SPACA7: variants seen among roughly 807,000 people sequenced by gnomAD.
SPACA7 encodes the protein sperm acrosome associated 7.
In SPACA7, 19 loss-of-function variants were observed where a neutral mutation model predicts 26.3. The ratio of observed to expected loss-of-function variants is 0.72; its 90% CI spans 0.50 to 1.06. SPACA7 has a LOEUF of 1.06. Ranked by LOEUF, SPACA7 falls within the 50% of genes least tolerant of loss-of-function variation. The pLI is 0.00. For missense variants in SPACA7, 211 were observed against 229.9 expected (o/e 0.92, Z 0.53); for synonymous variants, 84 against 84.5 (o/e 0.99, Z 0.04).
chr13:112,431,997 A>T (rs1055606433), intron 5 of SPACA7, among the ~76,000 whole-genome samples: 1 of 152,172 alleles, frequency 6.6e-6, no homozygotes, highest in African/African-American at 2.4e-5. Flanking sequence ...GCTGGCCACG[A>T]AGAAAGGTGG....
rs111384545 is a variant in SPACA7, at chr13:112,392,907, G to T, written c.95-114G>T. 414 of 752,452 alleles carry T rather than the reference G, an allele frequency of 5.5e-4. 2 individuals carry two copies. Among genetic ancestry groups the T allele is most frequent in the African/African-American group, 4.9e-3 (281 of 57,592 alleles). The allele number at this position is 752,452 out of a possible 1,614,324, so 46.6% of individuals were successfully genotyped here. A position where few individuals can be genotyped will look rare whatever the true frequency, so the allele number is the denominator to read the frequency against. ...CAGGAGAGACTGGAACTTGGGCAGG[G>T]CTCCTTCCTCTAGAGGGGGCTGGTG... On this transcript the variant is annotated intron_variant, in intron 1 of 6. Coordinates refer to ENST00000283550, the MANE Select transcript of SPACA7 (RefSeq NM_145248.5).
chr13:112,427,987 G>A (rs1876710045), intron 5 of SPACA7, among the ~76,000 whole-genome samples: 1 of 151,906 alleles, frequency 6.6e-6, no homozygotes, highest in African/African-American at 2.4e-5. Context: ...CAGGTTTTTT[G>A]TTTCATTTTC....
In SPACA7 at chr13:112,386,535, CCT is replaced by C. The variant is rs1482903911; in HGVS notation, c.95-6483_95-6482del. On this transcript the variant is annotated intron_variant, in intron 1 of 6. Coordinates refer to ENST00000283550, the MANE Select transcript of SPACA7 (RefSeq NM_145248.5). The stretch of plus-strand genomic sequence containing the variant: ...TTGCAAAACAGAGTCTGTGGTGCCT[CCT>C]CTGTTTTTCCCAAGGAGTCCCCGGC... Among the ~76,000 whole-genome samples the C allele has an allele frequency of 2.0e-5, 3 of 152,066 alleles. No individual in the cohort carries two copies. In the East Asian group the frequency reaches 5.8e-4, roughly 29 times the overall value.
intron 5 of SPACA7, among the ~76,000 whole-genome samples, chr13:112,430,322 C>T (rs540699546): frequency 3.9e-5 from 6 of 152,316 alleles, no homozygotes; most frequent in African/African-American, 1.4e-4. Context: ...GGAAACTCTC[C>T]AGGCAGTGCC....
intron 1 of SPACA7, among the ~76,000 whole-genome samples, chr13:112,378,067 G>A (rs554848699): frequency 6.6e-6 from 1 of 152,098 alleles, no homozygotes; most frequent in African/African-American, 2.4e-5. Context: ...GTTATGCTGG[G>A]GGCAGAGCGT....
chr13:112,396,756 G>A (rs9577741), intron 2 of SPACA7, among the ~76,000 whole-genome samples: 47,619 of 152,142 alleles, frequency 0.31, 8,659 homozygotes, highest in Non-Finnish European at 0.4. Context: ...TGGGGCACCC[G>A]CGGCTAAGAG....
intron 5 of SPACA7, among the ~76,000 whole-genome samples, chr13:112,430,174 C>CTG (rs61438595): frequency 0.024 from 3,212 of 134,284 alleles, 53 homozygotes; most frequent in Admixed American, 0.051. Flanking sequence ...ATCTCTCTCT[C>CTG]TGTGTGTGTG....
chr13:112,432,198 A>G (rs981583054), intron 5 of SPACA7, among the ~76,000 whole-genome samples: 10 of 152,184 alleles, frequency 6.6e-5, no homozygotes, highest in African/African-American at 2.4e-4. Flanking sequence ...GAGAAAGCAC[A>G]AAGATGTAGG....
At chr13:112,391,842 C>T (rs1884907996) in intron 1 of SPACA7, among the ~76,000 whole-genome samples, 1 of 152,172 alleles carries the variant, frequency 6.6e-6, no homozygotes, top group African/African-American at 2.4e-5. Context: ...CCAAAGAGAA[C>T]TGTACTTTGT....
intron 1 of SPACA7, among the ~76,000 whole-genome samples, chr13:112,381,494 C>CAAAAA (rs35147413): frequency 2.3e-5 from 1 of 44,012 alleles, no homozygotes; most frequent in South Asian, 1.2e-3. Flanking sequence ...CCCTGTCCCC[C>CAAAAA]AAAAAAAAAA....
At chr13:112,388,305 G>A (rs569125482) in intron 1 of SPACA7, among the ~76,000 whole-genome samples, 10 of 152,296 alleles carry the variant, frequency 6.6e-5, no homozygotes, top group Admixed American at 1.3e-4. Context: ...TAGTTAGAAA[G>A]AGCCAGCCGA....
chr13:112,399,515 C>T (rs563868414), intron 4 of SPACA7, among the ~76,000 whole-genome samples: 5 of 152,382 alleles, frequency 3.3e-5, no homozygotes, highest in East Asian at 1.9e-4. Flanking sequence ...TTCTCCTTCA[C>T]AGGGCAGGTG....
At chr13:112,434,430 T>C (rs2139101798) in intron 6 of SPACA7, 55 bp from the exon 7 acceptor site, 1 of 1,469,352 alleles carries the variant, frequency 6.8e-7, no homozygotes, top group East Asian at 2.4e-5. Context: ...TGCCAGTGCC[T>C]CCATCTCCCT....
intron 5 of SPACA7, among the ~76,000 whole-genome samples, chr13:112,419,037 A>T (rs936129470): frequency 6.6e-6 from 1 of 152,008 alleles, no homozygotes; most frequent in Non-Finnish European, 1.5e-5. Context: ...AAAAAACAAA[A>T]AACAATGCTA....
At position 112,434,632 on chromosome 13, in the gene SPACA7, G is replaced by GC; in HGVS notation, c.*84dup. ...AGCCTCCGGAACAGGGCACTTGTGT[G>GC]CACACGCCCACGTTCTCTGAACCAT... On this transcript the variant is annotated 3_prime_UTR_variant, in exon 7 of 7. Transcript: ENST00000283550. 7.2e-6 allele frequency: 8 copies of GC among 1,104,486 alleles called. No homozygotes were observed. Among genetic ancestry groups the GC allele is most frequent in the Admixed American group, 2.0e-5 (1 of 49,368 alleles). 68.4% of individuals were successfully genotyped at this position (1,104,486 alleles called of 1,614,324 possible). A position where few individuals can be genotyped will look rare whatever the true frequency, so the allele number is the denominator to read the frequency against.
intron 5 of SPACA7, among the ~76,000 whole-genome samples, chr13:112,404,983 T>C (rs924471158): frequency 7.0e-6 from 1 of 143,036 alleles, no homozygotes; most frequent in Non-Finnish European, 1.5e-5. Context: ...CTCTTCTTTT[T>C]TTTTTTTTTT....
At chr13:112,409,621 ATCATCACTGG>A (rs1320704271) in intron 5 of SPACA7, among the ~76,000 whole-genome samples, 5 of 152,258 alleles carry the variant, frequency 3.3e-5, no homozygotes, top group African/African-American at 9.6e-5. Flanking sequence ...AAAAATGCTC[ATCATCACTGG>A]CCATCAGAGA....
intron 5 of SPACA7, among the ~76,000 whole-genome samples, chr13:112,413,421 T>C (rs2139012894): frequency 6.7e-6 from 1 of 150,104 alleles, no homozygotes; most frequent in South Asian, 2.3e-4. Flanking sequence ...CCTCCTGGCC[T>C]ATAAAGTTTC....
In SPACA7 at chr13:112,422,158, C is replaced by A. The variant is rs1002224600; in HGVS notation, c.446-10286C>A. ...TTGAAGTGGCTATGTTACTATCAGACAAAGTTGACTTCAAAACAACATTAT... is the reference window on the plus strand; with the variant it reads ...TTGAAGTGGCTATGTTACTATCAGAAAAAGTTGACTTCAAAACAACATTAT... On this transcript the variant is annotated intron_variant, in intron 5 of 6. Coordinates refer to ENST00000283550, the MANE Select transcript of SPACA7 (RefSeq NM_145248.5). 6.4e-4 allele frequency among the ~76,000 whole-genome samples: 98 copies of A among 152,022 alleles called. 1 individual carries two copies. The highest frequency in any genetic ancestry group is 2.6e-3 in the Admixed American group (40 of 15,276).
Sources: allele counts gnomAD v4.1 joint callset (sites outside exome capture counted in the v4.1 genomes callset), GRCh38; gene constraint gnomAD v4.1.1; transcripts MANE v1.5; gene names NCBI Gene and HGNC (gene_info 2026-07-23, HGNC 2026-07-21).